The following KCTD16 variants were observed in gnomAD, a reference collection of about 807,000 sequenced individuals.
KCTD16 encodes potassium channel tetramerization domain containing 16.
Under a neutral mutation model 33.2 loss-of-function variants are expected in KCTD16, and 13 were observed. The ratio of observed to expected loss-of-function variants is 0.39; its 90% CI spans 0.25 to 0.62. The LOEUF (loss-of-function observed/expected upper bound fraction) is 0.62. KCTD16 is among the 20% of genes least tolerant of loss of function. The pLI, the probability that KCTD16 is intolerant of heterozygous loss-of-function variation, is 0.50. For missense variants in KCTD16, 441 were observed against 525.1 expected, an observed-to-expected ratio of 0.84 and a Z score of 1.57; for synonymous variants, 197 against 195.3, an observed-to-expected ratio of 1.01 and a Z score of -0.07.
intron 3 of KCTD16, among the ~76,000 whole-genome samples, chr5:144,210,694 G>C (rs1753358718): frequency 6.6e-6 from 1 of 152,080 alleles, no homozygotes; most frequent in African/African-American, 2.4e-5. Flanking sequence ...ACATCACTTA[G>C]GAACCAAATG....
chr5:144,182,578 A>G (rs1021466587), intron 2 of KCTD16, among the ~76,000 whole-genome samples: 7 of 152,190 alleles, frequency 4.6e-5, no homozygotes, highest in Admixed American at 3.9e-4. Flanking sequence ...TATGAAGGTG[A>G]TAGTTAATAA....
chr5:144,477,795 C>A lies in KCTD16; in HGVS notation c.*3681C>A, dbSNP rs890715447. ...ACTTTGTATCTACTATAGTGTAGATCTGTGAATTTGAGTGCTGGTATTTTC... is the reference window on the plus strand; with the variant it reads ...ACTTTGTATCTACTATAGTGTAGATATGTGAATTTGAGTGCTGGTATTTTC... On this transcript the variant is annotated 3_prime_UTR_variant, in exon 4 of 4. Coordinates refer to ENST00000512467, the MANE Select transcript of KCTD16 (RefSeq NM_020768.4). 1.8e-4 allele frequency: 28 copies of A among 151,718 alleles called. No homozygotes were observed. The highest frequency in any genetic ancestry group is 6.8e-4 in the African/African-American group (28 of 41,280). 9.4% of individuals were successfully genotyped at this position (151,718 alleles called of 1,614,324 possible).
intron 3 of KCTD16, among the ~76,000 whole-genome samples, chr5:144,220,127 G>C (rs778616965): frequency 1.3e-5 from 2 of 151,950 alleles, no homozygotes; most frequent in Non-Finnish European, 2.9e-5. Context: ...TTCCCACCTC[G>C]AGGGATTTGT....
At chr5:144,175,852 A>G (rs1196675898) in intron 2 of KCTD16, among the ~76,000 whole-genome samples, 1 of 152,248 alleles carries the variant, frequency 6.6e-6, no homozygotes, top group African/African-American at 2.4e-5. Context: ...ATGTAGCTAC[A>G]GAAGCAATAT....
intron 3 of KCTD16, among the ~76,000 whole-genome samples, chr5:144,270,659 G>A (rs1248993019): frequency 2.0e-5 from 3 of 148,520 alleles, no homozygotes; most frequent in Non-Finnish European, 4.5e-5. Context: ...TAAACTCAAA[G>A]CTAGTAGACT....
intron 3 of KCTD16, among the ~76,000 whole-genome samples, chr5:144,381,758 G>A (rs982199345): frequency 6.6e-6 from 1 of 152,160 alleles, no homozygotes; most frequent in Admixed American, 6.6e-5. Context: ...CATTGGAAAT[G>A]ACAATTCAAC....
chr5:144,280,484 C>T (rs1755567104), intron 3 of KCTD16, among the ~76,000 whole-genome samples: 1 of 152,144 alleles, frequency 6.6e-6, no homozygotes, highest in Admixed American at 6.6e-5. Flanking sequence ...TTCTCCCATA[C>T]TTCTTTTAAT....
chr5:144,276,187 C>T (rs542306560), intron 3 of KCTD16, among the ~76,000 whole-genome samples: 110 of 152,230 alleles, frequency 7.2e-4, no homozygotes, highest in African/African-American at 2.6e-3. Context: ...GCAGATAATT[C>T]TGAGACACAT....
At chr5:144,259,934 A>G (rs1754960057) in intron 3 of KCTD16, among the ~76,000 whole-genome samples, 1 of 152,200 alleles carries the variant, frequency 6.6e-6, no homozygotes, top group Admixed American at 6.5e-5. Flanking sequence ...CTGTCATGTC[A>G]TAATGTTCAA....
intron 3 of KCTD16, among the ~76,000 whole-genome samples, chr5:144,352,447 A>G (rs1751468630): frequency 6.6e-6 from 1 of 152,178 alleles, no homozygotes; most frequent in Admixed American, 6.5e-5. Context: ...TCCCACCCCA[A>G]ACACTGGTGA....
intron 3 of KCTD16, among the ~76,000 whole-genome samples, chr5:144,242,583 C>G (rs893000584): frequency 3.3e-5 from 5 of 152,086 alleles, no homozygotes; most frequent in Non-Finnish European, 7.4e-5. Context: ...TAAAGAAATA[C>G]TTAAGCCTGG....
intron 3 of KCTD16, among the ~76,000 whole-genome samples, chr5:144,385,588 C>T (rs955198133): frequency 4.6e-5 from 7 of 152,120 alleles, no homozygotes; most frequent in Admixed American, 3.9e-4. Context: ...TCTTTGCTTC[C>T]CCTTCTCACA....
At position 144,205,857 on chromosome 5, in the gene KCTD16, A is replaced by C. The variant is rs1352174744; in HGVS notation, c.-326-532A>C. ...ATAAATACAAATAGGCATTTATATAAATGCATATATATAATAGTTATTTTC... is the reference window on the plus strand; with the variant it reads ...ATAAATACAAATAGGCATTTATATACATGCATATATATAATAGTTATTTTC... On this transcript the variant is annotated intron_variant, in intron 2 of 3. Coordinates refer to ENST00000512467, the MANE Select transcript of KCTD16 (RefSeq NM_020768.4). 4 of 309,746 alleles carry C rather than the reference A, an allele frequency of 1.3e-5. No individual in the cohort carries two copies. The Admixed American group carries it at 1.5e-4, about 12-fold the overall frequency. The allele number at this position is 309,746 out of a possible 1,614,324, so 19.2% of individuals were successfully genotyped here. A position where few individuals can be genotyped will look rare whatever the true frequency, so the allele number is the denominator to read the frequency against.
intron 3 of KCTD16, among the ~76,000 whole-genome samples, chr5:144,347,236 C>T (rs1752826685): frequency 1.3e-5 from 2 of 152,124 alleles, no homozygotes; most frequent in Non-Finnish European, 2.9e-5. Flanking sequence ...TAAATAGCCA[C>T]ATGGAACTAA....
chr5:144,182,040 G>A (rs543525312), intron 2 of KCTD16, among the ~76,000 whole-genome samples: 321 of 150,660 alleles, frequency 2.1e-3, no homozygotes, highest in African/African-American at 7.3e-3. Flanking sequence ...AGCTGAGATC[G>A]CGCCACTGCA....
chr5:144,415,924 T>C (rs1368616133), intron 3 of KCTD16, among the ~76,000 whole-genome samples: 1 of 152,132 alleles, frequency 6.6e-6, no homozygotes, highest in Non-Finnish European at 1.5e-5. Flanking sequence ...TGCAAAATGA[T>C]TGGGTGCTGA....
At chr5:144,422,758 A>T (rs1753238765) in intron 3 of KCTD16, among the ~76,000 whole-genome samples, 1 of 152,292 alleles carries the variant, frequency 6.6e-6, no homozygotes, top group African/African-American at 2.4e-5. Context: ...TTTAAAATGA[A>T]AACATGTTTA....
In KCTD16 at chr5:144,207,607, G is replaced by A. The variant is rs1753228218; in HGVS notation, c.832+61G>A. The stretch of plus-strand genomic sequence containing the variant: ...GTCAATGCTCTTCACAAATGTATAT[G>A]GTCTGTGTGTTCTCTCCATACCTAA... On this transcript the variant is annotated intron_variant, in intron 3 of 3. Coordinates refer to ENST00000512467, the MANE Select transcript of KCTD16 (RefSeq NM_020768.4). 8 of 1,208,364 alleles carry A rather than the reference G, an allele frequency of 6.6e-6. No individual in the cohort carries two copies. The Admixed American group carries it at 1.5e-4, about 23-fold the overall frequency. 74.9% of individuals were successfully genotyped at this position (1,208,364 alleles called of 1,614,324 possible). A position where few individuals can be genotyped will look rare whatever the true frequency, so the allele number is the denominator to read the frequency against.
At chr5:144,248,822 G>A (rs1580818996) in intron 3 of KCTD16, among the ~76,000 whole-genome samples, 1 of 152,200 alleles carries the variant, frequency 6.6e-6, no homozygotes, top group East Asian at 1.9e-4. Context: ...CAGTAGGGTT[G>A]GAGAGAAATC....
Sources: allele counts gnomAD v4.1 joint callset (sites outside exome capture counted in the v4.1 genomes callset), GRCh38; gene constraint gnomAD v4.1.1; transcripts MANE v1.5; gene names NCBI Gene and HGNC (gene_info 2026-07-23, HGNC 2026-07-21).